The following KCNH1 variants were observed in gnomAD, a reference collection of about 807,000 sequenced individuals.
The protein encoded by KCNH1 is potassium voltage-gated channel subfamily H member 1, also known as voltage-gated delayed rectifier potassium channel KCNH1.
Under a neutral mutation model 69.2 loss-of-function variants are expected in KCNH1, and 27 were observed. The ratio of observed to expected loss-of-function variants is 0.39; its 90% CI spans 0.29 to 0.54. KCNH1 has a LOEUF of 0.54. Ranked by LOEUF, KCNH1 falls within the 20% of genes least tolerant of loss-of-function variation. The pLI, the probability that KCNH1 is intolerant of heterozygous loss-of-function variation, is 0.68. For synonymous variants in KCNH1, 456 were observed against 487.7 expected, an observed-to-expected ratio of 0.93 and a Z score of 0.86; for missense variants, 798 against 1,261.6, an observed-to-expected ratio of 0.63 and a Z score of 5.57.
intron 6 of KCNH1, among the ~76,000 whole-genome samples, chr1:210,991,542 C>G (rs1222249129): frequency 1.3e-5 from 2 of 151,576 alleles, no homozygotes; most frequent in Non-Finnish European, 2.9e-5. Flanking sequence ...TATTGCTCAA[C>G]ATGGTGACCA....
chr1:210,813,411 C>T (rs2884381), intron 7 of KCNH1, among the ~76,000 whole-genome samples: 117,941 of 152,140 alleles, frequency 0.78, 46,138 homozygotes, highest in Non-Finnish European at 0.83. Flanking sequence ...TGATTTTGAA[C>T]GAAGCTATTC....
intron 10 of KCNH1, among the ~76,000 whole-genome samples, chr1:210,708,864 G>A (rs909850015): frequency 1.3e-5 from 2 of 152,202 alleles, no homozygotes; most frequent in Non-Finnish European, 2.9e-5. Context: ...ATTTCCCTGG[G>A]AAGGGCATAG....
chr1:211,074,144 C>T (rs1571625913), intron 5 of KCNH1, among the ~76,000 whole-genome samples: 1 of 148,126 alleles, frequency 6.8e-6, no homozygotes, highest in East Asian at 2.0e-4. Flanking sequence ...CTACTATGTG[C>T]CAAACACCAT....
At chr1:210,920,943 G>T (rs1687446722) in intron 6 of KCNH1, among the ~76,000 whole-genome samples, 1 of 152,190 alleles carries the variant, frequency 6.6e-6, no homozygotes, top group Non-Finnish European at 1.5e-5. Context: ...CACCAGGCCA[G>T]GTCTATTCTC....
At chr1:211,088,631 C>A (rs1690997955) in intron 4 of KCNH1, among the ~76,000 whole-genome samples, 1 of 152,212 alleles carries the variant, frequency 6.6e-6, no homozygotes, top group Non-Finnish European at 1.5e-5. Flanking sequence ...AAAGCCATGT[C>A]TTTCAGGAGA....
rs1034476847 is a variant in KCNH1, at chr1:210,830,456, G to T, written c.1463-26290C>A. On this transcript the variant is annotated intron_variant, in intron 7 of 10. Coordinates refer to ENST00000271751, the MANE Select transcript of KCNH1 (RefSeq NM_172362.3). ...GACACCTGACCAGCAAGCACAGGGTGGGGGTTGGAAGACCTCAATAAGACA... is the reference window on the plus strand; with the variant it reads ...GACACCTGACCAGCAAGCACAGGGTTGGGGTTGGAAGACCTCAATAAGACA... Among the ~76,000 whole-genome samples, 3 of 152,156 alleles carry T rather than the reference G, an allele frequency of 2.0e-5. No homozygotes were observed. In the East Asian group the frequency reaches 5.8e-4, roughly 29 times the overall value.
chr1:210,792,643 G>T (rs1315252570), intron 9 of KCNH1, among the ~76,000 whole-genome samples: 2 of 151,610 alleles, frequency 1.3e-5, no homozygotes, highest in Non-Finnish European at 2.9e-5. Context: ...ACTCTTCACT[G>T]CTTGATGCAG....
At chr1:210,690,311 C>A (rs1681501893) in intron 10 of KCNH1, among the ~76,000 whole-genome samples, 1 of 152,190 alleles carries the variant, frequency 6.6e-6, no homozygotes, top group African/African-American at 2.4e-5. Context: ...CAGCAGGGTG[C>A]ACACACTGTA....
At chr1:210,820,579 A>G (rs1684908669) in intron 7 of KCNH1, among the ~76,000 whole-genome samples, 1 of 152,206 alleles carries the variant, frequency 6.6e-6, no homozygotes. Flanking sequence ...GGTTGCAGTG[A>G]GCCGAGATCA....
At chr1:210,804,703 C>T (rs1402534243) in intron 7 of KCNH1, among the ~76,000 whole-genome samples, 2 of 152,078 alleles carry the variant, frequency 1.3e-5, no homozygotes, top group East Asian at 1.9e-4. Flanking sequence ...GAGCAAAAAA[C>T]GGAGCAGGAA....
chr1:210,860,892 A>G, intron 7 of KCNH1: 2 of 925,602 alleles, frequency 2.2e-6, no homozygotes, highest in Non-Finnish European at 3.6e-6. Context: ...TGCTGAAGAG[A>G]GAGAACACAT....
intron 4 of KCNH1, among the ~76,000 whole-genome samples, chr1:211,084,470 C>T (rs898907044): frequency 6.6e-6 from 1 of 152,206 alleles, no homozygotes; most frequent in African/African-American, 2.4e-5. Context: ...CCCCTTGGTT[C>T]ATCACCTGAT....
At chr1:210,807,470 G>C (rs1003039594) in intron 7 of KCNH1, among the ~76,000 whole-genome samples, 2 of 152,028 alleles carry the variant, frequency 1.3e-5, no homozygotes, top group African/African-American at 4.8e-5. Context: ...AATTTAGCCA[G>C]GCATGGTGGC....
intron 3 of KCNH1, 84 bp from the exon 4 acceptor site, chr1:211,090,774 T>C: frequency 8.4e-7 from 1 of 1,191,140 alleles, no homozygotes; most frequent in Non-Finnish European, 1.2e-6. Context: ...AATGAATAGG[T>C]ACAAATATTA....
chr1:210,944,120 G>A (rs1258185539), intron 6 of KCNH1, among the ~76,000 whole-genome samples: 1 of 152,212 alleles, frequency 6.6e-6, no homozygotes, highest in Non-Finnish European at 1.5e-5. Flanking sequence ...CACTGGCCTA[G>A]CTCGGGTCAC....
chr1:210,889,989 A>G (rs1011188379), intron 7 of KCNH1, among the ~76,000 whole-genome samples: 2 of 152,220 alleles, frequency 1.3e-5, no homozygotes, highest in South Asian at 2.1e-4. Flanking sequence ...CATAAATTCA[A>G]TGCTATCCCC....
chr1:210,850,016 A>G (rs1441263459), intron 7 of KCNH1, among the ~76,000 whole-genome samples: 1 of 152,166 alleles, frequency 6.6e-6, no homozygotes, highest in Non-Finnish European at 1.5e-5. Flanking sequence ...GGGGAAAAAA[A>G]AGAAAATTTT....
At chr1:210,801,657 C>T (rs1684430014) in intron 8 of KCNH1, among the ~76,000 whole-genome samples, 1 of 152,226 alleles carries the variant, frequency 6.6e-6, no homozygotes, top group African/African-American at 2.4e-5. Flanking sequence ...TTCCAGACAA[C>T]CAGACTTACA....
Position 210,704,473 on chromosome 1 carries a change from C to G in KCNH1, c.2113-20335G>C, listed in dbSNP as rs534878008. On this transcript the variant is annotated intron_variant, in intron 10 of 10. Coordinates refer to ENST00000271751, the MANE Select transcript of KCNH1 (RefSeq NM_172362.3). ...TAGTGCTCTGTCTTCAGGCCAGTGA[C>G]TTTCTAAACTATCCCATGAAGACAG... Among the ~76,000 whole-genome samples the G allele has an allele frequency of 6.6e-5, 10 of 152,266 alleles. No homozygotes were observed. In the South Asian group the frequency reaches 1.9e-3, roughly 28 times the overall value.
Sources: allele counts gnomAD v4.1 joint callset (sites outside exome capture counted in the v4.1 genomes callset), GRCh38; gene constraint gnomAD v4.1.1; transcripts MANE v1.5; gene names NCBI Gene and HGNC (gene_info 2026-07-23, HGNC 2026-07-21).